The following ADD1 variants were observed in gnomAD, a reference collection of about 807,000 sequenced individuals.
ADD1 encodes alpha-adducin.
ADD1 carries 24 observed loss-of-function variants against 80.5 expected under a neutral mutation model. The observed-to-expected ratio is 0.30, with a 90% CI of 0.22 to 0.42. ADD1 has a LOEUF of 0.42. Ranked by LOEUF, ADD1 falls within the 10% of genes least tolerant of loss-of-function variation. The pLI is 1.00. For synonymous variants in ADD1, 373 were observed against 393.8 expected, an observed-to-expected ratio of 0.95 and a Z score of 0.63; for missense variants, 948 against 1,019.0, an observed-to-expected ratio of 0.93 and a Z score of 0.95.
chr4:2,881,235 G>A lies in ADD1; in HGVS notation c.196-663G>A, dbSNP rs187243033. On this transcript the variant is annotated intron_variant, in intron 2 of 15. Coordinates refer to ENST00000683351, the MANE Select transcript of ADD1 (RefSeq NM_001354761.2). Reference sequence around the variant, plus strand: ...TGGGATTACAGGCGCCCACCACCACGCCTGGCTAATTTTTTACATTTTTAG... The same window carrying A: ...TGGGATTACAGGCGCCCACCACCACACCTGGCTAATTTTTTACATTTTTAG... Among the ~76,000 whole-genome samples the A allele has an allele frequency of 1.6e-4, 24 of 151,464 alleles. No homozygotes were observed. In the East Asian group the frequency reaches 1.7e-3, roughly 11 times the overall value.
rs1460432147 is a variant in ADD1 at position 2,904,896 on chromosome 4, C to T, written c.1294C>T (p.Pro432Ser). 1.2e-6 allele frequency: 2 copies of T among 1,614,148 alleles called. No homozygotes were observed. Among genetic ancestry groups the T allele is most frequent in the South Asian group, 1.1e-5 (1 of 91,078 alleles). The change falls in exon 10 of 16, where the codon CCA (proline) becomes TCA (serine). Residue 432 changes from proline to serine, a missense_variant. Coordinates refer to ENST00000683351, the MANE Select transcript of ADD1 (RefSeq NM_001354761.2). Reference sequence around the variant, plus strand: ...TGACGGTGATTCGGGCACTTGCTCCCCACTCAGACACAGTTTTCAGAAGCA... The same window carrying T: ...TGACGGTGATTCGGGCACTTGCTCCTCACTCAGACACAGTTTTCAGAAGCA... ...ASDGDSGTCS[P>S]LRHSFQKQQR...
chr4:2,879,887 G>C (rs772124557), intron 2 of ADD1, among the ~76,000 whole-genome samples: 2 of 152,118 alleles, frequency 1.3e-5, no homozygotes, highest in Non-Finnish European at 2.9e-5. Context: ...GCTAACTTTT[G>C]TATTTTTAGT....
At chr4:2,854,410 T>A (rs1727763832) in intron 1 of ADD1, among the ~76,000 whole-genome samples, 1 of 152,240 alleles carries the variant, frequency 6.6e-6, no homozygotes, top group Admixed American at 6.5e-5. Context: ...ATATCTCTAA[T>A]GATCTAACTT....
intron 6 of ADD1, among the ~76,000 whole-genome samples, chr4:2,895,695 T>G (rs1735078921): frequency 6.6e-6 from 1 of 152,122 alleles, no homozygotes; most frequent in Non-Finnish European, 1.5e-5. Context: ...CACCAAGCCT[T>G]ACCCCTTCTG....
At chr4:2,903,556 G>A (rs1466903667) in intron 9 of ADD1, among the ~76,000 whole-genome samples, 2 of 152,164 alleles carry the variant, frequency 1.3e-5, no homozygotes, top group East Asian at 3.8e-4. Context: ...CTTTTCTTAG[G>A]GCTGAAGCAT....
rs184722468 is a variant in ADD1 at position 2,868,780 on chromosome 4, T to C, written c.-20-7116T>C. Among the ~76,000 whole-genome samples the C allele has an allele frequency of 2.6e-3, 399 of 152,130 alleles. 1 individual carries two copies. The highest frequency in any genetic ancestry group is 4.3e-3 in the Non-Finnish European group (291 of 67,996). On this transcript the variant is annotated intron_variant, in intron 1 of 15. Transcript: ENST00000683351. ...ATTTGGTCCTGTTTGAAAGTGGCCA[T>C]GGGAGAGGTGGGAATGGTGTATGTT...
intron 14 of ADD1, among the ~76,000 whole-genome samples, chr4:2,919,001 C>T (rs1179340343): frequency 6.6e-6 from 1 of 151,956 alleles, no homozygotes; most frequent in Non-Finnish European, 1.5e-5. Flanking sequence ...CCACCACACC[C>T]GGTTAATTTT....
At chr4:2,882,797 C>G (rs1732577238) in intron 3 of ADD1, among the ~76,000 whole-genome samples, 1 of 152,148 alleles carries the variant, frequency 6.6e-6, no homozygotes, top group Admixed American at 6.5e-5. Context: ...ATCCATAGCT[C>G]AAACCTCCAT....
intron 14 of ADD1, among the ~76,000 whole-genome samples, chr4:2,923,226 G>A (rs1250931279): frequency 1.3e-5 from 2 of 152,194 alleles, no homozygotes; most frequent in Admixed American, 6.5e-5. Context: ...CTGCCGAAAC[G>A]GCTGCCCAGT....
At chr4:2,850,395 G>A (rs916418806) in intron 1 of ADD1, among the ~76,000 whole-genome samples, 4 of 152,194 alleles carry the variant, frequency 2.6e-5, no homozygotes, top group African/African-American at 7.2e-5. Flanking sequence ...AGCCTCCTGA[G>A]TAGCTGGGAA....
At chr4:2,920,657 CT>C (rs55649630) in intron 14 of ADD1, among the ~76,000 whole-genome samples, 106 of 136,474 alleles carry the variant, frequency 7.8e-4, no homozygotes, top group Non-Finnish European at 7.9e-4. Context: ...GCAACTCCTG[CT>C]TTTTTTTTTT....
intron 1 of ADD1, among the ~76,000 whole-genome samples, chr4:2,856,076 A>G (rs564923833): frequency 2.0e-5 from 3 of 146,846 alleles, no homozygotes; most frequent in African/African-American, 7.5e-5. Context: ...AAAAAAATAG[A>G]GACGAGTCTT....
rs186995035 is a variant in ADD1 at position 2,910,850 on chromosome 4, G to C, written c.1791+1419G>C. On this transcript the variant is annotated intron_variant, in intron 13 of 15. Transcript: ENST00000683351. ...TCATTAGCAGAGAATACCACTGTAC[G>C]CTGACCCCAGAGGAAGAGAGCTTGA... Among the ~76,000 whole-genome samples, 288 of 152,286 alleles carry C rather than the reference G, an allele frequency of 1.9e-3. 3 individuals carry two copies. Among genetic ancestry groups the C allele is most frequent in the Admixed American group, 3.6e-3 (55 of 15,300 alleles).
intron 5 of ADD1, 152 bp from the exon 6 acceptor site, chr4:2,894,430 A>G: frequency 1.5e-6 from 1 of 679,994 alleles, no homozygotes; most frequent in Non-Finnish European, 2.4e-6. Flanking sequence ...TGGTGGTGGG[A>G]GGATTGTTTG....
chr4:2,859,521 A>T (rs1248693108), intron 1 of ADD1, among the ~76,000 whole-genome samples: 1 of 152,226 alleles, frequency 6.6e-6, no homozygotes, highest in Non-Finnish European at 1.5e-5. Flanking sequence ...ATATAAAAAA[A>T]TTCATGCTCA....
chr4:2,928,588 C>T lies in ADD1; in HGVS notation c.*65C>T. On this transcript the variant is annotated 3_prime_UTR_variant, in exon 16 of 16. Coordinates refer to ENST00000683351, the MANE Select transcript of ADD1 (RefSeq NM_001354761.2). ...GCTCTGCCAGCGTCCCCGGCCACGTCTGTGCTCTGTCCTTGTGTAATGGAA... is the reference window on the plus strand; with the variant it reads ...GCTCTGCCAGCGTCCCCGGCCACGTTTGTGCTCTGTCCTTGTGTAATGGAA... The T allele has an allele frequency of 1.3e-6, 2 of 1,525,958 alleles. No homozygotes were observed. Among genetic ancestry groups the T allele is most frequent in the Non-Finnish European group, 1.8e-6 (2 of 1,118,990 alleles). The allele number at this position is 1,525,958 out of a possible 1,614,324, so 94.5% of individuals were successfully genotyped here.
rs376347147 is a variant in ADD1 at position 2,928,510 on chromosome 4, A to G, written c.2387A>G (p.Lys796Arg). 37 of 1,612,962 alleles carry G rather than the reference A, an allele frequency of 2.3e-5. No individual in the cohort carries two copies. The African/African-American group carries it at 2.4e-4, about 10-fold the overall frequency. The change falls in exon 16 of 16, where the codon AAG (lysine) becomes AGG (arginine). Residue 796 changes from lysine (K) to arginine (R), a missense_variant. Transcript: ENST00000683351. The stretch of plus-strand genomic sequence containing the variant: ...TCCTTTCTGAAGAAGAGCAAGAAGA[A>G]GAGTGACTCCTGAAAGCCCTGCGCT... ...TPSFLKKSKK[K>R]SDS is the part of the protein sequence containing the mutation.
intron 1 of ADD1, chr4:2,853,215 T>G (rs765354992): frequency 1.3e-5 from 2 of 151,592 alleles, no homozygotes; most frequent in Admixed American, 6.6e-5. Flanking sequence ...TTCAAGCAAT[T>G]CTCCCACCTC....
At position 2,928,773 on chromosome 4, in the gene ADD1, G is replaced by T. The variant is rs1235155287; in HGVS notation, c.*250G>T. 4 of 498,546 alleles carry T rather than the reference G, an allele frequency of 8.0e-6. No individual in the cohort carries two copies. Among genetic ancestry groups the T allele is most frequent in the East Asian group, 3.7e-5 (1 of 26,874 alleles). 30.9% of individuals were successfully genotyped at this position (498,546 alleles called of 1,614,324 possible). A position where few individuals can be genotyped will look rare whatever the true frequency, so the allele number is the denominator to read the frequency against. On this transcript the variant is annotated 3_prime_UTR_variant, in exon 16 of 16. Coordinates refer to ENST00000683351, the MANE Select transcript of ADD1 (RefSeq NM_001354761.2). Reference sequence around the variant, plus strand: ...GGAGACATGCTCTCCCCACAGGGGGGAGGCACTAAGTCATGGTCCTGGCTG... The same window carrying T: ...GGAGACATGCTCTCCCCACAGGGGGTAGGCACTAAGTCATGGTCCTGGCTG...
Sources: gnomAD v4.1 joint callset for allele counts (sites outside exome capture counted in the v4.1 genomes callset) on GRCh38, gnomAD v4.1.1 for gene constraint, MANE v1.5 for transcripts, NCBI Gene and HGNC (gene_info 2026-07-23, HGNC 2026-07-21) for gene names.